Variants in AFF3 observed in about 807,000 individuals in gnomAD.
AFF3 encodes the protein AF4/FMR2 family member 3.
In AFF3, 32 loss-of-function variants were observed where a neutral mutation model predicts 129.7. The ratio of observed to expected loss-of-function variants is 0.25; its 90% CI spans 0.19 to 0.33. AFF3 has a LOEUF of 0.33. Among genes scored for constraint, AFF3 ranks in the 10% least tolerant of loss-of-function variants. The pLI is 1.00. For synonymous variants in AFF3, 644 were observed against 635.4 expected (o/e 1.01, Z -0.20); for missense variants, 1,373 against 1,592.0 (o/e 0.86, Z 2.34).
chr2:99,613,229 T>C (rs1681101595), intron 13 of AFF3, among the ~76,000 whole-genome samples: 1 of 152,234 alleles, frequency 6.6e-6, no homozygotes, highest in Non-Finnish European at 1.5e-5. Context: ...AGGTTTTGTA[T>C]CATGATGGTT....
At chr2:100,056,751 C>T (rs1686821189) in intron 4 of AFF3, among the ~76,000 whole-genome samples, 2 of 152,244 alleles carry the variant, frequency 1.3e-5, no homozygotes, top group African/African-American at 4.8e-5. Flanking sequence ...CTAAATAAGG[C>T]TATGTCCTTT....
intron 7 of AFF3, among the ~76,000 whole-genome samples, chr2:99,901,392 G>A (rs1170670403): frequency 2.0e-5 from 3 of 152,122 alleles, no homozygotes; most frequent in Non-Finnish European, 4.4e-5. Context: ...TGTTTCTCCC[G>A]CTGTCAAGTG....
chr2:100,110,487 A>G (rs1045019608), intron 2 of AFF3, among the ~76,000 whole-genome samples: 5 of 152,210 alleles, frequency 3.3e-5, no homozygotes, highest in Non-Finnish European at 7.4e-5. Context: ...ATGGATTGGT[A>G]GTCCCCATGC....
At chr2:100,101,811 C>A (rs1690756366) in intron 4 of AFF3, among the ~76,000 whole-genome samples, 1 of 149,484 alleles carries the variant, frequency 6.7e-6, no homozygotes, top group Non-Finnish European at 1.5e-5. Flanking sequence ...TGACTCTGGG[C>A]AGGTTACCCT....
chr2:100,067,180 TA>T (rs35574768), intron 4 of AFF3, among the ~76,000 whole-genome samples: 24,527 of 134,206 alleles, frequency 0.18, 2,098 homozygotes, highest in South Asian at 0.23. Flanking sequence ...TCCACATAGT[TA>T]AAAAAAAAAA....
intron 7 of AFF3, among the ~76,000 whole-genome samples, chr2:99,850,482 G>A (rs751887200): frequency 2.6e-5 from 4 of 152,186 alleles, no homozygotes; most frequent in Admixed American, 1.3e-4. Context: ...TTCCAGACAC[G>A]GGAGTTTGAA....
chr2:99,552,098 T>C (rs981803843), intron 24 of AFF3, among the ~76,000 whole-genome samples: 2 of 152,202 alleles, frequency 1.3e-5, no homozygotes, highest in Non-Finnish European at 2.9e-5. Flanking sequence ...CAAATGTTTA[T>C]GATGTGGCCA....
At chr2:100,084,155 A>T (rs1689247182) in intron 4 of AFF3, among the ~76,000 whole-genome samples, 1 of 152,258 alleles carries the variant, frequency 6.6e-6, no homozygotes, top group Non-Finnish European at 1.5e-5. Context: ...CTATTTAACA[A>T]AACTTTACAG....
intron 8 of AFF3, among the ~76,000 whole-genome samples, chr2:99,779,435 C>A (rs1684214289): frequency 6.6e-6 from 1 of 152,152 alleles, no homozygotes; most frequent in African/African-American, 2.4e-5. Flanking sequence ...TATTACATAG[C>A]AGTGTGGTGT....
intron 8 of AFF3, among the ~76,000 whole-genome samples, chr2:99,790,797 T>G (rs1349501080): frequency 6.6e-6 from 1 of 152,188 alleles, no homozygotes. Context: ...GTACGGTGAT[T>G]GTACTCTGGG....
chr2:100,105,360 G>A, intron 3 of AFF3, 144 bp downstream of exon 3: 1 of 1,249,918 alleles, frequency 8.0e-7, no homozygotes, highest in Non-Finnish European at 1.0e-6. Context: ...GAGCCCGCAA[G>A]TTCAGCGAAA....
At chr2:99,994,313 G>A (rs1680640838) in intron 7 of AFF3, among the ~76,000 whole-genome samples, 1 of 152,078 alleles carries the variant, frequency 6.6e-6, no homozygotes, top group South Asian at 2.1e-4. Context: ...AGACATCAAA[G>A]CTCAAGAGAG....
At chr2:99,717,013 G>A (rs1217745397) in intron 11 of AFF3, among the ~76,000 whole-genome samples, 2 of 152,122 alleles carry the variant, frequency 1.3e-5, no homozygotes, top group East Asian at 3.9e-4. Context: ...ACTCTTATGT[G>A]TCTGGCTTCT....
intron 7 of AFF3, among the ~76,000 whole-genome samples, chr2:99,921,390 A>G (rs1258264294): frequency 1.3e-5 from 2 of 152,094 alleles, no homozygotes; most frequent in Admixed American, 6.6e-5. Context: ...AGTTATCACA[A>G]CCAAATGCAA....
At chr2:99,749,599 G>T (rs2105184408) in intron 9 of AFF3, among the ~76,000 whole-genome samples, 1 of 152,280 alleles carries the variant, frequency 6.6e-6, no homozygotes, top group African/African-American at 2.4e-5. Flanking sequence ...ATGGCAGGGT[G>T]CCACTGGAAG....
chr2:100,128,326 A>C (rs567181410), intron 2 of AFF3, among the ~76,000 whole-genome samples: 9 of 152,276 alleles, frequency 5.9e-5, no homozygotes, highest in African/African-American at 1.7e-4. Flanking sequence ...TGGAGTCTGG[A>C]TCGGGACCAC....
chr2:99,643,055 A>ATTTTTTTTTTTTTTTTTT (rs34572652), intron 13 of AFF3, among the ~76,000 whole-genome samples: 1 of 100,864 alleles, frequency 9.9e-6, no homozygotes, highest in African/African-American at 3.9e-5. Flanking sequence ...TACTTAAAAG[A>ATTTTTTTTTTTTTTTTTT]TTTTTTTTTT....
chr2:99,768,671 C>T (rs543154435), intron 8 of AFF3, among the ~76,000 whole-genome samples: 10 of 152,276 alleles, frequency 6.6e-5, no homozygotes, highest in South Asian at 2.1e-4. Context: ...ATTTCTTATA[C>T]GACAGGTCTG....
At chr2:99,707,459 A>G in intron 11 of AFF3, 1 of 985,456 alleles carries the variant, frequency 1.0e-6, no homozygotes, top group Non-Finnish European at 1.2e-6. Flanking sequence ...TTTCAGCACG[A>G]GGCAAACAAA....
Sources: gnomAD v4.1 joint callset for allele counts (sites outside exome capture counted in the v4.1 genomes callset) on GRCh38, gnomAD v4.1.1 for gene constraint, MANE v1.5 for transcripts, NCBI Gene and HGNC (gene_info 2026-07-23, HGNC 2026-07-21) for gene names.